Variants in SUGCT observed in about 807,000 individuals in gnomAD.
SUGCT encodes succinyl-CoA:glutarate CoA-transferase.
SUGCT carries 41 observed loss-of-function variants against 55.0 expected under a neutral mutation model. The ratio of observed to expected loss-of-function variants is 0.74; its 90% CI spans 0.58 to 0.97. The LOEUF is 0.97. Ranked by LOEUF, SUGCT falls within the 50% of genes least tolerant of loss-of-function variation. SUGCT has a pLI of 0.00. For missense variants in SUGCT, 568 were observed against 547.8 expected (o/e 1.04, Z -0.37); for synonymous variants, 187 against 200.4 (o/e 0.93, Z 0.56).
At chr7:40,946,948 G>C in the SUGCT span, among the ~76,000 whole-genome samples, 2 of 152,094 alleles carry the variant, frequency 1.3e-5, no homozygotes, top group Non-Finnish European at 2.9e-5. Context: ...GAATCTCATT[G>C]AGTTTATCCT....
the SUGCT span, among the ~76,000 whole-genome samples, chr7:40,875,453 A>G: frequency 6.6e-5 from 10 of 152,168 alleles, no homozygotes; most frequent in African/African-American, 2.2e-4. Context: ...TGATGAGGCC[A>G]TATCTTCCAT....
At chr7:40,377,172 TTC>T (rs1491425351) in intron 9 of SUGCT, among the ~76,000 whole-genome samples, 1 of 16,580 alleles carries the variant, frequency 6.0e-5, no homozygotes, top group Non-Finnish European at 3.0e-4. Context: ...CTTTCTTTCT[TTC>T]TTTCTTTCTT....
intron 8 of SUGCT, among the ~76,000 whole-genome samples, chr7:40,298,954 C>T (rs6962341): frequency 0.38 from 57,202 of 151,894 alleles, 11,007 homozygotes; most frequent in East Asian, 0.48. Context: ...TACTTTGTGA[C>T]TTGAAATGTA....
At chr7:40,187,146 G>A (rs1382497191) in intron 3 of SUGCT, among the ~76,000 whole-genome samples, 1 of 152,146 alleles carries the variant, frequency 6.6e-6, no homozygotes, top group Non-Finnish European at 1.5e-5. Flanking sequence ...GGACATGGAT[G>A]AAGCTGGAAA....
the SUGCT span, among the ~76,000 whole-genome samples, chr7:40,885,695 C>CTCTT: frequency 6.6e-6 from 1 of 152,124 alleles, no homozygotes; most frequent in African/African-American, 2.4e-5. Context: ...TTTTGATGAC[C>CTCTT]CCTGACGTCT....
the SUGCT span, among the ~76,000 whole-genome samples, chr7:41,027,049 T>G: frequency 6.5e-4 from 98 of 151,522 alleles, no homozygotes; most frequent in South Asian, 7.3e-3. Flanking sequence ...GTTTCATACT[T>G]AAAAAAAAAG....
At chr7:40,784,873 C>G (rs999699926) in intron 13 of SUGCT, among the ~76,000 whole-genome samples, 3 of 152,044 alleles carry the variant, frequency 2.0e-5, no homozygotes, top group Non-Finnish European at 2.9e-5. Flanking sequence ...TACCTACTGT[C>G]TAAAATTAAT....
chr7:40,692,243 C>T (rs1039245475), intron 12 of SUGCT, among the ~76,000 whole-genome samples: 1 of 152,104 alleles, frequency 6.6e-6, no homozygotes, highest in Non-Finnish European at 1.5e-5. Flanking sequence ...GTGGTGCAGA[C>T]AAGGTAACAA....
chr7:40,477,997 T>C (rs996053643), intron 11 of SUGCT, among the ~76,000 whole-genome samples: 5 of 152,066 alleles, frequency 3.3e-5, no homozygotes, highest in Non-Finnish European at 5.9e-5. Context: ...GGCTTTTTTT[T>C]CCCCCACCTT....
At chr7:40,938,071 C>G in the SUGCT span, among the ~76,000 whole-genome samples, 1 of 152,228 alleles carries the variant, frequency 6.6e-6, no homozygotes, top group Non-Finnish European at 1.5e-5. Flanking sequence ...TGCTCAGTCA[C>G]TCACTGCTCA....
the SUGCT span, among the ~76,000 whole-genome samples, chr7:40,883,318 C>T: frequency 1.5e-3 from 228 of 152,272 alleles, 2 homozygotes; most frequent in African/African-American, 5.4e-3. Context: ...TACAGTCTAC[C>T]TTCATGTGCG....
chr7:40,398,066 A>G (rs1045916192), intron 9 of SUGCT, among the ~76,000 whole-genome samples: 33 of 152,056 alleles, frequency 2.2e-4, no homozygotes, highest in African/African-American at 8.0e-4. Context: ...AGAGGGTTGA[A>G]TATTCCACGT....
chr7:40,667,845 T>C (rs1801727988), intron 12 of SUGCT, among the ~76,000 whole-genome samples: 1 of 152,182 alleles, frequency 6.6e-6, no homozygotes, highest in Admixed American at 6.5e-5. Context: ...TTTGTTAATC[T>C]AGCCAGTAGT....
At chr7:40,908,062 G>A in the SUGCT span, among the ~76,000 whole-genome samples, 1 of 151,830 alleles carries the variant, frequency 6.6e-6, no homozygotes, top group Admixed American at 6.6e-5. Flanking sequence ...AATTGGAAAG[G>A]CATCACCAGG....
intron 7 of SUGCT, among the ~76,000 whole-genome samples, chr7:40,256,346 C>T (rs1163404156): frequency 2.6e-5 from 4 of 152,100 alleles, no homozygotes; most frequent in African/African-American, 9.7e-5. Flanking sequence ...AGTTTTTGGC[C>T]TTCTCTATAC....
At position 40,523,794 on chromosome 7, in the gene SUGCT, T is replaced by G. The variant is rs1583893533; in HGVS notation, c.1089+27408T>G. ...GGATTGTTTGCTGGACTTTTTGTTCTGTTTACTAACCAGTCTATATATTTC... is the reference window on the plus strand; with the variant it reads ...GGATTGTTTGCTGGACTTTTTGTTCGGTTTACTAACCAGTCTATATATTTC... On this transcript the variant is annotated intron_variant, in intron 12 of 13. Coordinates refer to ENST00000335693, the MANE Select transcript of SUGCT (RefSeq NM_001193313.2). Among the ~76,000 whole-genome samples the G allele has an allele frequency of 2.6e-5, 4 of 152,288 alleles. No individual in the cohort carries two copies. The East Asian group carries it at 7.7e-4, about 29-fold the overall frequency.
chr7:40,163,031 T>C (rs1324694257), intron 1 of SUGCT, among the ~76,000 whole-genome samples: 1 of 152,318 alleles, frequency 6.6e-6, no homozygotes, highest in South Asian at 2.1e-4. Flanking sequence ...TATTTGAAAT[T>C]TGTGGGCTCT....
intron 13 of SUGCT, among the ~76,000 whole-genome samples, chr7:40,782,243 C>T (rs1789788552): frequency 6.6e-6 from 1 of 152,078 alleles, no homozygotes; most frequent in Admixed American, 6.6e-5. Context: ...ATGCTCTACA[C>T]AGTCATATTA....
chr7:40,695,965 C>T (rs1040994586), intron 12 of SUGCT, among the ~76,000 whole-genome samples: 1 of 152,062 alleles, frequency 6.6e-6, no homozygotes, highest in Non-Finnish European at 1.5e-5. Flanking sequence ...TTCTAAGGTC[C>T]TAAATGGCAG....
Sources: allele counts gnomAD v4.1 joint callset (sites outside exome capture counted in the v4.1 genomes callset), GRCh38; gene constraint gnomAD v4.1.1; transcripts MANE v1.5; gene names NCBI Gene and HGNC (gene_info 2026-07-23, HGNC 2026-07-21).